The following TPO variants were observed in gnomAD, a reference collection of about 807,000 sequenced individuals.
TPO encodes thyroid peroxidase.
In TPO, 78 loss-of-function variants were observed where a neutral mutation model predicts 96.9. The ratio of observed to expected loss-of-function variants is 0.81; its 90% confidence interval spans 0.67 to 0.97. TPO has a LOEUF of 0.97. Among genes scored for constraint, TPO ranks in the 50% least tolerant of loss-of-function variants. The probability of loss-of-function intolerance (pLI) is 0.00; values close to 1 mark genes in which losing one functional copy is unlikely to be tolerated. For missense variants in TPO, 1,252 were observed against 1,274.8 expected (o/e 0.98, Z 0.27); for synonymous variants, 547 against 538.0 (o/e 1.02, Z -0.23).
At chr2:1,526,324 A>C (rs1279119508) in intron 15 of TPO, among the ~76,000 whole-genome samples, 3 of 73,690 alleles carry the variant, frequency 4.1e-5, no homozygotes, top group Non-Finnish European at 5.1e-5. Flanking sequence ...GAGCAAAACC[A>C]CAAATCCCCC....
chr2:1,484,866 C>T lies in TPO; in HGVS notation c.1597+12C>T, dbSNP rs770972029. The T allele has an allele frequency of 1.5e-5, 25 of 1,613,270 alleles. No individual in the cohort carries two copies. Among genetic ancestry groups the T allele is most frequent in the South Asian group, 3.3e-5 (3 of 91,058 alleles). ...ATTACTCCGTGGAGGTGAGTGAGTG[C>T]GGTCCCTGCAGCTGGTCCCCATGAA... On this transcript the variant is annotated intron_variant, in intron 9 of 16. Coordinates refer to ENST00000329066, the MANE Select transcript of TPO (RefSeq NM_001206744.2).
intron 1 of TPO, among the ~76,000 whole-genome samples, chr2:1,380,358 C>G (rs1047809269): frequency 2.7e-5 from 4 of 146,518 alleles, no homozygotes; most frequent in African/African-American, 1.0e-4. Context: ...CACTTTACTG[C>G]ACTCCAGCCT....
At chr2:1,529,623 G>C (rs1677542546) in intron 15 of TPO, among the ~76,000 whole-genome samples, 1 of 117,922 alleles carries the variant, frequency 8.5e-6, no homozygotes, top group Non-Finnish European at 1.6e-5. Flanking sequence ...CCCAATGTGA[G>C]CAACCTCCTC....
At chr2:1,524,302 A>C (rs1205319084) in intron 15 of TPO, among the ~76,000 whole-genome samples, 57 of 76,366 alleles carry the variant, frequency 7.5e-4, no homozygotes, top group East Asian at 2.8e-3. Context: ...TCAAATCCCC[A>C]CACTGTGTGC....
At chr2:1,498,459 A>G (rs1385998796) in intron 13 of TPO, among the ~76,000 whole-genome samples, 1 of 152,244 alleles carries the variant, frequency 6.6e-6, no homozygotes, top group Non-Finnish European at 1.5e-5. Context: ...CTGCCTGGGC[A>G]TGGATAGGGC....
In TPO at chr2:1,417,070, C is replaced by T. The variant is rs139110781; in HGVS notation, c.94+2568C>T. ...CAGAAGCAGCAAGGCTGTGGCCGCT[C>T]AGTCTCACAGTCTCACGTCCCAGGT... On this transcript the variant is annotated intron_variant, in intron 2 of 16. Transcript: ENST00000329066. Among the ~76,000 whole-genome samples the T allele has an allele frequency of 4.8e-3, 735 of 152,392 alleles. 7 individuals carry two copies. Among genetic ancestry groups the T allele is most frequent in the African/African-American group, 0.017 (711 of 41,596 alleles).
At chr2:1,500,721 C>CT (rs1373400034) in intron 13 of TPO, among the ~76,000 whole-genome samples, 1 of 151,964 alleles carries the variant, frequency 6.6e-6, no homozygotes, top group Non-Finnish European at 1.5e-5. Flanking sequence ...AATCCCAGCA[C>CT]TTTGGGAGGC....
Position 1,436,172 on chromosome 2 carries a change from C to T in TPO, c.350-80C>T. 6 of 1,609,652 alleles carry T rather than the reference C, an allele frequency of 3.7e-6. No individual in the cohort carries two copies. The South Asian group carries it at 6.6e-5, about 18-fold the overall frequency. ...ATCCCAAATTCAGATGCTGGAGTCACTTTTGAGACTGCAATAGAATATTTG... is the reference window on the plus strand; with the variant it reads ...ATCCCAAATTCAGATGCTGGAGTCATTTTTGAGACTGCAATAGAATATTTG... On this transcript the variant is annotated intron_variant, in intron 4 of 16. Transcript: ENST00000329066.
rs771160950 is a variant in TPO, at chr2:1,456,282, A to G, written c.819A>G (p.Gln273=). 4.2e-5 allele frequency: 68 copies of G among 1,613,908 alleles called. 1 individual carries two copies. Among genetic ancestry groups the G allele is most frequent in the Non-Finnish European group, 5.0e-5 (59 of 1,179,956 alleles). Residue 273 remains glutamine, a splice_region_variant and synonymous_variant, in exon 7 of 17, where the codon CAA becomes CAG. Transcript: ENST00000329066. ...ACCAAAACCCATGTTTTCCCATACAAGTAAGTTTTAGAAAACGTTTCTATG... is the reference window on the plus strand; with the variant it reads ...ACCAAAACCCATGTTTTCCCATACAGGTAAGTTTTAGAAAACGTTTCTATG... ...CENQNPCFPI[Q]LPEEARPAAG...
Position 1,380,866 on chromosome 2 carries a change from G to A in TPO, n.180+6464G>A, listed in dbSNP as rs114778211. Among the ~76,000 whole-genome samples the A allele has an allele frequency of 6.7e-3, 1,021 of 152,292 alleles. 11 individuals are homozygous for A. Among genetic ancestry groups the A allele is most frequent in the African/African-American group, 0.022 (933 of 41,548 alleles). The stretch of plus-strand genomic sequence containing the variant: ...GAAGCATGGTGGCATCTGCTTCTAT[G>A]GAGGCCTCAGGAAGCTTCCAATCCT... On this transcript the variant is annotated intron_variant and non_coding_transcript_variant, in intron 1 of 5. Transcript: ENST00000497517.
At chr2:1,386,305 A>G (rs1661894091) in intron 1 of TPO, among the ~76,000 whole-genome samples, 1 of 152,110 alleles carries the variant, frequency 6.6e-6, no homozygotes, top group South Asian at 2.1e-4. Context: ...TCTAATGTTG[A>G]CAGTGGGGTG....
intron 1 of TPO, among the ~76,000 whole-genome samples, chr2:1,403,620 G>A (rs541303408): frequency 6.6e-6 from 1 of 152,294 alleles, no homozygotes; most frequent in East Asian, 1.9e-4. Context: ...AACTACCTGT[G>A]GCTGCAGCTG....
At chr2:1,528,347 C>T (rs1677115420) in intron 15 of TPO, among the ~76,000 whole-genome samples, 1 of 140,178 alleles carries the variant, frequency 7.1e-6, no homozygotes, top group South Asian at 2.4e-4. Flanking sequence ...CTGCAACCCC[C>T]CAAGTCCCCC....
intron 13 of TPO, 91 bp downstream of exon 13, chr2:1,496,856 A>T: frequency 6.3e-7 from 1 of 1,584,658 alleles, no homozygotes; most frequent in Non-Finnish European, 8.6e-7. Context: ...TCTTCGCCAA[A>T]AGGTGCTTCT....
At position 1,433,445 on chromosome 2, in the gene TPO, A is replaced by G; in HGVS notation, c.187A>G (p.Lys63Glu). Residue 63 changes from lysine (K) to glutamate (E), a missense_variant, in exon 4 of 17, where the codon AAG (lysine) becomes GAG (glutamate). Lys to Glu is a moderately conservative substitution (Grantham distance 56, BLOSUM62 1). Transcript: ENST00000329066. ...CTTCTTTATGTGCCATAGAAACCTC[A>G]AGAAAAGAGGAATCCTTTCTCCAGC... ...AMYATMQRNL[K>E]KRGILSPAQL... The G allele has an allele frequency of 3.1e-6, 5 of 1,614,168 alleles. No individual in the cohort carries two copies. Among genetic ancestry groups the G allele is most frequent in the Non-Finnish European group, 4.2e-6 (5 of 1,179,992 alleles).
chr2:1,473,853 T>C (rs746212239), intron 7 of TPO, among the ~76,000 whole-genome samples: 6 of 152,176 alleles, frequency 3.9e-5, no homozygotes, highest in Non-Finnish European at 7.3e-5. Context: ...AACAGTTTTA[T>C]ACTTATCCTC....
chr2:1,424,193 G>T lies in TPO; in HGVS notation c.179+1064G>T, dbSNP rs1020107289. Among the ~76,000 whole-genome samples the T allele has an allele frequency of 4.6e-5, 7 of 152,274 alleles. No homozygotes were observed. In the East Asian group the frequency reaches 1.3e-3, roughly 29 times the overall value. On this transcript the variant is annotated intron_variant, in intron 3 of 16. Transcript: ENST00000329066. The stretch of plus-strand genomic sequence containing the variant: ...AATACGTGTCAGATTTACATGGTGG[G>T]GAGCTTCCAGGTCATAAGTAGATGT...
intron 15 of TPO, among the ~76,000 whole-genome samples, chr2:1,528,370 C>G (rs1207278145): frequency 7.9e-6 from 1 of 126,378 alleles, no homozygotes; most frequent in Non-Finnish European, 1.6e-5. Context: ...TTGTGAGCAA[C>G]CACCCCAAAT....
chr2:1,461,687 C>T (rs1668448133), intron 7 of TPO, among the ~76,000 whole-genome samples: 1 of 152,138 alleles, frequency 6.6e-6, no homozygotes, highest in African/African-American at 2.4e-5. Context: ...CACACACGCA[C>T]ACCCACCCAC....
Sources: allele counts gnomAD v4.1 joint callset (sites outside exome capture counted in the v4.1 genomes callset), GRCh38; gene constraint gnomAD v4.1.1; transcripts MANE v1.5; gene names NCBI Gene and HGNC (gene_info 2026-07-23, HGNC 2026-07-21).